TASP1: variants seen among roughly 807,000 people sequenced by gnomAD.
TASP1 encodes the protein taspase 1, also known as threonine aspartase 1.
Under a neutral mutation model 56.6 loss-of-function variants are expected in TASP1, and 16 were observed. That is an observed-to-expected ratio of 0.28 (90% CI 0.19 to 0.43). TASP1 has a LOEUF of 0.43. Among genes scored for constraint, TASP1 ranks in the 20% least tolerant of loss-of-function variants. TASP1 has a pLI of 1.00. For synonymous variants in TASP1, 179 were observed against 184.2 expected, an observed-to-expected ratio of 0.97 and a Z score of 0.23; for missense variants, 393 against 511.6, an observed-to-expected ratio of 0.77 and a Z score of 2.24.
chr20:13,564,467 T>C (rs1374274016), intron 7 of TASP1, among the ~76,000 whole-genome samples: 1 of 151,830 alleles, frequency 6.6e-6, no homozygotes, highest in Non-Finnish European at 1.5e-5. Flanking sequence ...CCCAGGTTCA[T>C]GAATTGGAAG....
At chr20:13,204,160 C>T in the TASP1 span, among the ~76,000 whole-genome samples, 18 of 152,172 alleles carry the variant, frequency 1.2e-4, no homozygotes, top group African/African-American at 4.3e-4. Flanking sequence ...TTTGGATTTC[C>T]ATACTTTTAT....
chr20:13,579,564 C>T (rs1010553639), intron 6 of TASP1, among the ~76,000 whole-genome samples: 10 of 151,864 alleles, frequency 6.6e-5, no homozygotes, highest in Non-Finnish European at 1.2e-4. Flanking sequence ...GGGGTTTCAC[C>T]GTGGTCTCGA....
the TASP1 span, among the ~76,000 whole-genome samples, chr20:13,316,306 C>T: frequency 0.12 from 18,342 of 151,792 alleles, 1,237 homozygotes; most frequent in Admixed American, 0.18. Context: ...AATTAATAAC[C>T]TGTCAAAACA....
intron 4 of TASP1, among the ~76,000 whole-genome samples, chr20:13,591,958 G>T (rs1281629278): frequency 6.6e-6 from 1 of 151,914 alleles, no homozygotes; most frequent in East Asian, 1.9e-4. Context: ...AAGAAGTATA[G>T]CTAATAGGAC....
At chr20:13,210,870 A>G in the TASP1 span, among the ~76,000 whole-genome samples, 60 of 152,256 alleles carry the variant, frequency 3.9e-4, no homozygotes, top group Admixed American at 9.2e-4. Flanking sequence ...TCTTTTATTT[A>G]CTATTTTATT....
intron 12 of TASP1, among the ~76,000 whole-genome samples, chr20:13,429,362 C>T (rs1013523814): frequency 2.0e-5 from 3 of 152,166 alleles, no homozygotes; most frequent in African/African-American, 7.2e-5. Context: ...AAAAATAACT[C>T]TTTGGAAGAC....
chr20:13,114,178 G>T, the TASP1 span, among the ~76,000 whole-genome samples: 4 of 152,126 alleles, frequency 2.6e-5, no homozygotes, highest in Admixed American at 1.3e-4. Context: ...ACCTATCTAG[G>T]CCTCAGTTTC....
chr20:13,280,391 ACCC>A, the TASP1 span, among the ~76,000 whole-genome samples: 2,320 of 132,092 alleles, frequency 0.018, 72 homozygotes, highest in African/African-American at 0.058. Context: ...CTTCAAAGTA[ACCC>A]CCCCCCCCCA....
intron 8 of TASP1, among the ~76,000 whole-genome samples, chr20:13,557,587 T>G (rs1487430646): frequency 4.2e-5 from 6 of 141,650 alleles, no homozygotes; most frequent in Non-Finnish European, 6.1e-5. Flanking sequence ...TTTTTTTTTT[T>G]TTTTTTTTTT....
intron 4 of TASP1, among the ~76,000 whole-genome samples, chr20:13,610,484 GA>G (rs1048857454): frequency 6.6e-6 from 1 of 152,006 alleles, no homozygotes; most frequent in African/African-American, 2.4e-5. Flanking sequence ...TGTTCACTCT[GA>G]AAAAAATTCA....
chr20:13,221,873 C>G, the TASP1 span: 1 of 1,414,566 alleles, frequency 7.1e-7, no homozygotes, highest in Non-Finnish European at 9.2e-7. Flanking sequence ...CGCCGACGGG[C>G]CCGACGCGGC....
At chr20:13,124,162 G>A in the TASP1 span, among the ~76,000 whole-genome samples, 1 of 152,316 alleles carries the variant, frequency 6.6e-6, no homozygotes. Context: ...AGAATCATCA[G>A]AAACTTAATT....
Position 13,593,883 on chromosome 20 carries a change from G to A in TASP1, c.283-6513C>T, listed in dbSNP as rs747932708. Among the ~76,000 whole-genome samples the A allele has an allele frequency of 4.5e-4, 68 of 152,302 alleles. 1 individual carries two copies. Among genetic ancestry groups the A allele is most frequent in the African/African-American group, 8.2e-4 (34 of 41,566 alleles). On this transcript the variant is annotated intron_variant, in intron 4 of 13. Coordinates refer to ENST00000337743, the MANE Select transcript of TASP1 (RefSeq NM_017714.3). Reference sequence around the variant, plus strand: ...AGCATTTCATTTCAGCTCTGAGAACGAACAGACTGCCTCCTCAAGTGGGTC... The same window carrying A: ...AGCATTTCATTTCAGCTCTGAGAACAAACAGACTGCCTCCTCAAGTGGGTC...
intron 4 of TASP1, among the ~76,000 whole-genome samples, chr20:13,620,389 T>C (rs746383036): frequency 1.9e-4 from 29 of 152,182 alleles, no homozygotes; most frequent in African/African-American, 2.9e-4. Flanking sequence ...TTTGGGAAAA[T>C]ACAAATTATC....
the TASP1 span, among the ~76,000 whole-genome samples, chr20:13,292,064 C>A: frequency 8.5e-5 from 13 of 152,288 alleles, no homozygotes; most frequent in East Asian, 1.9e-3. Flanking sequence ...TAGTTTGTCA[C>A]CCTGACACCA....
rs531056663 is a variant in TASP1 at position 13,515,120 on chromosome 20, C to T, written c.874+13313G>A. Among the ~76,000 whole-genome samples, 200 of 152,212 alleles carry T rather than the reference C, an allele frequency of 1.3e-3. 1 individual carries two copies. The highest frequency in any genetic ancestry group is 4.5e-3 in the African/African-American group (186 of 41,556). On this transcript the variant is annotated intron_variant, in intron 10 of 13. Coordinates refer to ENST00000337743, the MANE Select transcript of TASP1 (RefSeq NM_017714.3). ...TTGTTGTATTCACTTCTGTTTGCAG[C>T]AAGAACCTTGGCTAACATACAGGAA...
the TASP1 span, among the ~76,000 whole-genome samples, chr20:13,247,102 A>G: frequency 6.6e-6 from 1 of 152,074 alleles, no homozygotes; most frequent in African/African-American, 2.4e-5. Flanking sequence ...GTGGTGGCAC[A>G]TGCTTGTAAT....
chr20:13,622,339 T>A (rs1600191096), intron 4 of TASP1, among the ~76,000 whole-genome samples: 1 of 152,292 alleles, frequency 6.6e-6, no homozygotes, highest in East Asian at 1.9e-4. Flanking sequence ...TGGTATGAAA[T>A]GTATCAGTCA....
At chr20:13,151,226 A>T in the TASP1 span, among the ~76,000 whole-genome samples, 2 of 152,184 alleles carry the variant, frequency 1.3e-5, no homozygotes. Flanking sequence ...TCTTACTACC[A>T]ACTAAAGTTT....
Sources: allele counts gnomAD v4.1 joint callset (sites outside exome capture counted in the v4.1 genomes callset), GRCh38; gene constraint gnomAD v4.1.1; transcripts MANE v1.5; gene names NCBI Gene and HGNC (gene_info 2026-07-23, HGNC 2026-07-21).